DOCK3: variants seen among roughly 807,000 people sequenced by gnomAD.
DOCK3 encodes dedicator of cytokinesis protein 3.
Under a neutral mutation model 265.6 loss-of-function variants are expected in DOCK3, and 60 were observed. The observed-to-expected ratio is 0.23, with a 90% CI of 0.18 to 0.28. The LOEUF is 0.28. Ranked by LOEUF, DOCK3 falls within the 10% of genes least tolerant of loss-of-function variation. The pLI is 1.00. For synonymous variants in DOCK3, 881 were observed against 938.0 expected, an observed-to-expected ratio of 0.94 and a Z score of 1.11; for missense variants, 1,981 against 2,594.3, an observed-to-expected ratio of 0.76 and a Z score of 5.14.
chr3:51,220,574 T>C (rs1340325535), intron 14 of DOCK3, among the ~76,000 whole-genome samples: 2 of 150,434 alleles, frequency 1.3e-5, no homozygotes, highest in Non-Finnish European at 3.0e-5. Context: ...GGAGAATCGC[T>C]TGAACCCGGT....
At chr3:50,856,756 C>T (rs1331838022) in intron 3 of DOCK3, among the ~76,000 whole-genome samples, 2 of 151,956 alleles carry the variant, frequency 1.3e-5, no homozygotes, top group Admixed American at 6.6e-5. Flanking sequence ...ACATTCTTGC[C>T]TTGTTCCAGT....
At chr3:51,346,661 A>G (rs377260865) in intron 38 of DOCK3, among the ~76,000 whole-genome samples, 3 of 152,156 alleles carry the variant, frequency 2.0e-5, no homozygotes, top group African/African-American at 4.8e-5. Context: ...CCCAGTAATG[A>G]GATCGCTGGG....
intron 4 of DOCK3, among the ~76,000 whole-genome samples, chr3:50,905,636 T>C (rs1428353202): frequency 6.6e-6 from 1 of 152,142 alleles, no homozygotes; most frequent in Admixed American, 6.5e-5. Flanking sequence ...TTGCTGAAGT[T>C]GCTTATCAGC....
rs371138652 is a variant in DOCK3 at position 51,247,462 on chromosome 3, AAAAC to A, written c.2184+675_2184+678del. Among the ~76,000 whole-genome samples, 392 of 152,290 alleles carry A rather than the reference AAAAC, an allele frequency of 2.6e-3. 1 individual carries two copies. Among genetic ancestry groups the A allele is most frequent in the South Asian group, 7.0e-3 (34 of 4,828 alleles). On this transcript the variant is annotated intron_variant, in intron 22 of 52. Transcript: ENST00000266037. ...TTTTCATGACTACTGTTCTGCTGTT[AAAAC>A]AAACAAACAAACAAACAAAAAACAG...
chr3:50,924,402 G>GA (rs999542742), intron 4 of DOCK3, among the ~76,000 whole-genome samples: 5 of 152,214 alleles, frequency 3.3e-5, no homozygotes, highest in Non-Finnish European at 7.3e-5. Flanking sequence ...TCTGGATGAT[G>GA]AAGTAATTAG....
At chr3:50,782,087 C>T (rs999033158) in intron 2 of DOCK3, among the ~76,000 whole-genome samples, 31 of 152,074 alleles carry the variant, frequency 2.0e-4, no homozygotes, top group Non-Finnish European at 4.4e-4. Flanking sequence ...AGTGAACATA[C>T]ACATGCATAT....
intron 35 of DOCK3, among the ~76,000 whole-genome samples, chr3:51,337,900 A>G (rs1262385967): frequency 6.6e-6 from 1 of 152,184 alleles, no homozygotes; most frequent in Non-Finnish European, 1.5e-5. Context: ...AGAAATGTCA[A>G]CTAGGTGGTG....
intron 1 of DOCK3, among the ~76,000 whole-genome samples, chr3:50,683,847 C>A (rs866825526): frequency 1.9e-5 from 2 of 103,450 alleles, no homozygotes; most frequent in East Asian, 3.6e-4. Flanking sequence ...CCCCCCCCCC[C>A]ACCCACTCCC....
rs567135370 is a variant in DOCK3 at position 51,044,901 on chromosome 3, T to C, written c.316-19547T>C. On this transcript the variant is annotated intron_variant, in intron 5 of 52. Transcript: ENST00000266037. ...AGGAGAATTAGTGCCTTGTGCTAGATTTGGCTTTGGCATAAGGGAATATTG... is the reference window on the plus strand; with the variant it reads ...AGGAGAATTAGTGCCTTGTGCTAGACTTGGCTTTGGCATAAGGGAATATTG... 7.9e-5 allele frequency among the ~76,000 whole-genome samples: 12 copies of C among 152,320 alleles called. No individual in the cohort carries two copies. In the East Asian group the frequency reaches 1.4e-3, roughly 17 times the overall value.
At chr3:51,122,344 G>A (rs1172655950) in intron 9 of DOCK3, among the ~76,000 whole-genome samples, 2 of 152,158 alleles carry the variant, frequency 1.3e-5, no homozygotes, top group African/African-American at 4.8e-5. Flanking sequence ...TCCAGGTATG[G>A]TGGTGTGCAC....
chr3:51,103,535 A>T (rs753147794), intron 9 of DOCK3, among the ~76,000 whole-genome samples: 13 of 152,186 alleles, frequency 8.5e-5, no homozygotes, highest in Non-Finnish European at 1.3e-4. Context: ...AAAATTGATA[A>T]GCTACTCCCA....
chr3:51,071,125 A>G (rs1575966635), intron 6 of DOCK3, among the ~76,000 whole-genome samples: 1 of 152,208 alleles, frequency 6.6e-6, no homozygotes, highest in African/African-American at 2.4e-5. Context: ...AAAATAGAAC[A>G]TAGAATAGAG....
At chr3:50,837,934 G>A (rs1172063252) in intron 2 of DOCK3, among the ~76,000 whole-genome samples, 1 of 152,162 alleles carries the variant, frequency 6.6e-6, no homozygotes, top group African/African-American at 2.4e-5. Context: ...AGTGGTGGAA[G>A]TTGAGATCAG....
Position 50,865,279 on chromosome 3 carries a change from C to A in DOCK3, c.162+23564C>A, listed in dbSNP as rs996715585. Among the ~76,000 whole-genome samples, 37 of 152,150 alleles carry A rather than the reference C, an allele frequency of 2.4e-4. 1 individual carries two copies. The highest frequency in any genetic ancestry group is 3.2e-3 in the Middle Eastern group (1 of 316). On this transcript the variant is annotated intron_variant, in intron 3 of 52. Transcript: ENST00000266037. Reference sequence around the variant, plus strand: ...ATTTGTTTATACACATTAACCATCTCCACCACACCCTCTGTTTCCCTATGA... The same window carrying A: ...ATTTGTTTATACACATTAACCATCTACACCACACCCTCTGTTTCCCTATGA...
At chr3:51,228,449 G>A (rs780204295) in intron 17 of DOCK3, among the ~76,000 whole-genome samples, 2 of 152,162 alleles carry the variant, frequency 1.3e-5, no homozygotes, top group Non-Finnish European at 2.9e-5. Context: ...TGCACATCAG[G>A]TGGCAACCAC....
intron 12 of DOCK3, among the ~76,000 whole-genome samples, chr3:51,171,721 A>G (rs1482706922): frequency 2.6e-5 from 4 of 151,926 alleles, no homozygotes; most frequent in Non-Finnish European, 4.4e-5. Context: ...ATCTCAAAAA[A>G]AAAAAAAAAA....
chr3:51,091,431 G>C (rs4927979), intron 9 of DOCK3, among the ~76,000 whole-genome samples: 136,822 of 151,860 alleles, frequency 0.9, 61,826 homozygotes, highest in African/African-American at 0.95. Context: ...CGACTGTAAT[G>C]CCACCACTTT....
rs1482659839 is a variant in DOCK3, at chr3:51,364,058, C to G, written c.5293+1384C>G. 2.6e-5 allele frequency among the ~76,000 whole-genome samples: 4 copies of G among 152,234 alleles called. No individual in the cohort carries two copies. The South Asian group carries it at 6.2e-4, about 24-fold the overall frequency. ...CTAGTTCTAGATCCTTGAGGAATCT[C>G]CACACTGTCTTCCACAATGGTTGAA... is the stretch of plus-strand genomic sequence containing the variant. On this transcript the variant is annotated intron_variant, in intron 49 of 52. Coordinates refer to ENST00000266037, the MANE Select transcript of DOCK3 (RefSeq NM_004947.5).
At chr3:50,736,110 C>T (rs188121004) in intron 1 of DOCK3, among the ~76,000 whole-genome samples, 86 of 152,198 alleles carry the variant, frequency 5.7e-4, no homozygotes, top group Non-Finnish European at 1.1e-3. Flanking sequence ...TCCAAGTGTT[C>T]CCATTGTTCA....
Sources: allele counts gnomAD v4.1 joint callset (sites outside exome capture counted in the v4.1 genomes callset), GRCh38; gene constraint gnomAD v4.1.1; transcripts MANE v1.5; gene names NCBI Gene and HGNC (gene_info 2026-07-23, HGNC 2026-07-21).